Variants in GOLIM4 observed in about 807,000 individuals in gnomAD.
The protein encoded by GOLIM4 is golgi integral membrane protein 4.
A neutral mutation model predicts 107.4 loss-of-function variants in GOLIM4; 71 were observed. The ratio of observed to expected loss-of-function variants is 0.66; its 90% CI spans 0.55 to 0.81. GOLIM4 has a LOEUF of 0.81. Ranked by LOEUF, GOLIM4 falls within the 30% of genes least tolerant of loss-of-function variation. The pLI, the probability that GOLIM4 is intolerant of heterozygous loss-of-function variation, is 0.00. For missense variants in GOLIM4, 830 were observed against 826.1 expected (o/e 1.00, Z -0.06); for synonymous variants, 327 against 294.8 (o/e 1.11, Z -1.12).
chr3:168,075,550 G>A (rs575478444), intron 1 of GOLIM4, among the ~76,000 whole-genome samples: 15 of 151,850 alleles, frequency 9.9e-5, no homozygotes, highest in South Asian at 4.2e-4. Context: ...CGCCTGCCTC[G>A]GCCTCCCAAA....
chr3:168,095,264 G>C lies in GOLIM4; in HGVS notation c.22C>G (p.Arg8Gly). 2 of 1,613,010 alleles carry C rather than the reference G, an allele frequency of 1.2e-6. No homozygotes were observed. The highest frequency in any genetic ancestry group is 1.7e-6 in the Non-Finnish European group (2 of 1,179,916). Residue 8 changes from arginine (R) to glycine (G), a missense_variant, in exon 1 of 16, where the codon CGA (arginine) becomes GGA (glycine). Arg to Gly is a moderately radical substitution (Grantham distance 125). Coordinates refer to ENST00000470487, the MANE Select transcript of GOLIM4 (RefSeq NM_014498.5). MGNGMCS[R>G]KQKRIFQTLL... ...GTCTGGAAAATCCGCTTCTGCTTTC[G>C]GGAGCACATCCCGTTTCCCATAGTC...
At chr3:168,092,704 TAC>T (rs1272623006) in intron 1 of GOLIM4, among the ~76,000 whole-genome samples, 1 of 152,136 alleles carries the variant, frequency 6.6e-6, no homozygotes, top group Non-Finnish European at 1.5e-5. Context: ...ATGCAGGTGG[TAC>T]ACAGTGCTGT....
At chr3:168,023,975 A>G (rs1365880568) in intron 14 of GOLIM4, among the ~76,000 whole-genome samples, 1 of 152,244 alleles carries the variant, frequency 6.6e-6, no homozygotes, top group African/African-American at 2.4e-5. Flanking sequence ...CATTTTATTC[A>G]GCTGAGCTCT....
chr3:168,083,313 C>G (rs1340605496), intron 1 of GOLIM4, among the ~76,000 whole-genome samples: 2 of 152,136 alleles, frequency 1.3e-5, no homozygotes, highest in Admixed American at 6.5e-5. Flanking sequence ...AAAACTTCAC[C>G]AAGGACTGCA....
At chr3:168,034,896 T>G (rs1718557969) in intron 8 of GOLIM4, among the ~76,000 whole-genome samples, 2 of 152,230 alleles carry the variant, frequency 1.3e-5, no homozygotes, top group Non-Finnish European at 1.5e-5. Flanking sequence ...CCTTCCACCA[T>G]GATTGTGAGG....
At position 168,010,080 on chromosome 3, in the gene GOLIM4, A is replaced by G; in HGVS notation, c.*189T>C. The G allele has an allele frequency of 2.3e-6, 1 of 430,022 alleles. No homozygotes were observed. Among genetic ancestry groups the G allele is most frequent in the Non-Finnish European group, 4.0e-6 (1 of 248,352 alleles). The allele number at this position is 430,022 out of a possible 1,614,324, so 26.6% of individuals were successfully genotyped here. A position where few individuals can be genotyped will look rare whatever the true frequency, so the allele number is the denominator to read the frequency against. ...TTTTCATGTTTAGCTTGAATATAAA[A>G]GAAGCTCTAGACCTACGTTATCAAA... is the stretch of plus-strand genomic sequence containing the variant. On this transcript the variant is annotated 3_prime_UTR_variant, in exon 16 of 16. Coordinates refer to ENST00000470487, the MANE Select transcript of GOLIM4 (RefSeq NM_014498.5).
chr3:168,083,959 C>G (rs1341445268), intron 1 of GOLIM4, among the ~76,000 whole-genome samples: 2 of 152,104 alleles, frequency 1.3e-5, no homozygotes, highest in Non-Finnish European at 2.9e-5. Context: ...ATTAAAACAC[C>G]TTCACTTTTA....
At chr3:168,022,054 G>A (rs963612584) in intron 14 of GOLIM4, among the ~76,000 whole-genome samples, 27 of 152,158 alleles carry the variant, frequency 1.8e-4, no homozygotes, top group Non-Finnish European at 1.0e-4. Context: ...GTAAGTCTTA[G>A]AAAGATAACA....
chr3:168,064,903 T>C (rs754364648), intron 1 of GOLIM4, among the ~76,000 whole-genome samples: 4 of 152,018 alleles, frequency 2.6e-5, no homozygotes, highest in Non-Finnish European at 5.9e-5. Context: ...TCATAGAATT[T>C]AGATTAAAGC....
chr3:168,043,636 A>G lies in GOLIM4; in HGVS notation c.367-107T>C, dbSNP rs868498505. 4.1e-5 allele frequency: 33 copies of G among 800,302 alleles called. No homozygotes were observed. In the Middle Eastern group the frequency reaches 1.2e-3, roughly 29 times the overall value. 49.6% of individuals were successfully genotyped at this position (800,302 alleles called of 1,614,324 possible). A position where few individuals can be genotyped will look rare whatever the true frequency, so the allele number is the denominator to read the frequency against. ...AACAAATGAAAGCAAGCAAGCACAA[A>G]CACATGAAGAAATAGGCTTTGTTTT... On this transcript the variant is annotated intron_variant, in intron 4 of 15. Transcript: ENST00000470487.
At position 168,095,465 on chromosome 3, in the gene GOLIM4, C is replaced by T. The variant is rs541379536; in HGVS notation, c.-180G>A. On this transcript the variant is annotated 5_prime_UTR_variant, in exon 1 of 16. Coordinates refer to ENST00000470487, the MANE Select transcript of GOLIM4 (RefSeq NM_014498.5). Reference sequence around the variant, plus strand: ...CGCTCAGCCCCCGCGCGGCGCGGGGCGCGCAGCCATCGACGCCGCCCGGGC... The same window carrying T: ...CGCTCAGCCCCCGCGCGGCGCGGGGTGCGCAGCCATCGACGCCGCCCGGGC... The T allele has an allele frequency of 9.0e-5, 50 of 554,124 alleles. No homozygotes were observed. In the East Asian group the frequency reaches 1.7e-3, roughly 19 times the overall value. 34.3% of individuals were successfully genotyped at this position (554,124 alleles called of 1,614,324 possible). A position where few individuals can be genotyped will look rare whatever the true frequency, so the allele number is the denominator to read the frequency against.
chr3:168,056,737 A>G (rs1719994659), intron 1 of GOLIM4, among the ~76,000 whole-genome samples: 1 of 152,150 alleles, frequency 6.6e-6, no homozygotes, highest in Non-Finnish European at 1.5e-5. Context: ...GTTTTGGCCA[A>G]TTTCTCCTAT....
chr3:168,052,369 T>C (rs527523401), intron 1 of GOLIM4, among the ~76,000 whole-genome samples: 2,601 of 148,344 alleles, frequency 0.018, 76 homozygotes, highest in African/African-American at 0.062. Flanking sequence ...TATATATATA[T>C]ACACATACAC....
chr3:168,077,060 A>T (rs1721114850), intron 1 of GOLIM4, among the ~76,000 whole-genome samples: 1 of 152,228 alleles, frequency 6.6e-6, no homozygotes, highest in South Asian at 2.1e-4. Flanking sequence ...ATGTGACTAA[A>T]ATTATGTTGA....
intron 2 of GOLIM4, among the ~76,000 whole-genome samples, chr3:168,047,940 C>G (rs968685079): frequency 2.0e-5 from 3 of 151,620 alleles, no homozygotes; most frequent in South Asian, 2.1e-4. Context: ...GTTACTTCCC[C>G]CCCAACCCCA....
intron 14 of GOLIM4, 139 bp from the exon 15 acceptor site, chr3:168,010,962 A>G: frequency 1.5e-6 from 1 of 671,998 alleles, no homozygotes; most frequent in Non-Finnish European, 2.6e-6. Context: ...TAGCAGAAGC[A>G]AAATTAAAGT....
chr3:168,020,051 G>T (rs1244083375), intron 14 of GOLIM4, among the ~76,000 whole-genome samples: 1 of 152,094 alleles, frequency 6.6e-6, no homozygotes, highest in African/African-American at 2.4e-5. Context: ...ACTGTGCATG[G>T]TACACTTAAT....
chr3:168,065,507 T>C (rs889728302), intron 1 of GOLIM4, among the ~76,000 whole-genome samples: 26 of 152,220 alleles, frequency 1.7e-4, no homozygotes, highest in African/African-American at 6.0e-4. Context: ...TATGTATGAC[T>C]GTGTAAAATG....
At position 168,095,152 on chromosome 3, in the gene GOLIM4, G is replaced by A. The variant is rs61736274; in HGVS notation, c.134C>T (p.Ala45Val). Residue 45 changes from alanine to valine, a missense_variant, in exon 1 of 16, where the codon GCG (alanine) becomes GTG (valine). By Grantham distance (64) the Ala-to-Val change is moderately conservative (BLOSUM62 0). Coordinates refer to ENST00000470487, the MANE Select transcript of GOLIM4 (RefSeq NM_014498.5). ...GTGCTGCTGGTACTTGAGCGCCACC[G>A]CCTCGGCTTTCCGCAGCTGCGTCTG... Reference protein sequence around the residue: ...ELQTQLRKAEAVALKYQQHQE... With the variant: ...ELQTQLRKAEVVALKYQQHQE... 1.4e-4 allele frequency: 228 copies of A among 1,611,666 alleles called. 1 individual carries two copies. In the African/African-American group the frequency reaches 2.7e-3, roughly 19 times the overall value.
Sources: allele counts gnomAD v4.1 joint callset (sites outside exome capture counted in the v4.1 genomes callset), GRCh38; gene constraint gnomAD v4.1.1; transcripts MANE v1.5; gene names NCBI Gene and HGNC (gene_info 2026-07-23, HGNC 2026-07-21).